The following JAKMIP2 variants were observed in gnomAD, a reference collection of about 807,000 sequenced individuals.
JAKMIP2 encodes the protein janus kinase and microtubule interacting protein 2.
In JAKMIP2, 25 loss-of-function variants were observed where a neutral mutation model predicts 115.0. The ratio of observed to expected loss-of-function variants is 0.22; its 90% CI spans 0.16 to 0.30. The LOEUF (loss-of-function observed/expected upper bound fraction) is 0.30. JAKMIP2 is among the 10% of genes least tolerant of loss of function. The pLI is 1.00. For synonymous variants in JAKMIP2, 334 were observed against 343.6 expected (o/e 0.97, Z 0.31); for missense variants, 642 against 957.6 (o/e 0.67, Z 4.35).
chr5:147,757,796 G>A (rs1754800495), intron 1 of JAKMIP2, among the ~76,000 whole-genome samples: 1 of 152,028 alleles, frequency 6.6e-6, no homozygotes, highest in Non-Finnish European at 1.5e-5. Context: ...TGCACCTGAG[G>A]CTCCGCATCA....
chr5:147,700,448 A>G (rs1005606303), intron 1 of JAKMIP2, among the ~76,000 whole-genome samples: 14 of 152,204 alleles, frequency 9.2e-5, no homozygotes, highest in African/African-American at 2.9e-4. Flanking sequence ...TAAAATATAT[A>G]TACACGGTTA....
chr5:147,599,835 G>A (rs1755603254), intron 21 of JAKMIP2, among the ~76,000 whole-genome samples: 1 of 152,134 alleles, frequency 6.6e-6, no homozygotes, highest in Non-Finnish European at 1.5e-5. Flanking sequence ...GTCACATGCT[G>A]TAGTTTCTCC....
At chr5:147,692,685 T>C (rs1334542049) in intron 1 of JAKMIP2, among the ~76,000 whole-genome samples, 1 of 152,182 alleles carries the variant, frequency 6.6e-6, no homozygotes, top group Non-Finnish European at 1.5e-5. Flanking sequence ...AATGAATGAA[T>C]GGATTGATGA....
chr5:147,609,484 A>G (rs1261334475), intron 20 of JAKMIP2, among the ~76,000 whole-genome samples: 1 of 152,158 alleles, frequency 6.6e-6, no homozygotes. Context: ...CTTTTCTTTA[A>G]GAATGTTGAA....
At chr5:147,639,491 T>G (rs934282684) in intron 10 of JAKMIP2, 141 bp downstream of exon 10, 10 of 935,448 alleles carry the variant, frequency 1.1e-5, no homozygotes, top group Non-Finnish European at 1.4e-5. Flanking sequence ...TTTGTTGACA[T>G]AAAAGCTATA....
At chr5:147,620,641 T>A in intron 18 of JAKMIP2, 25 bp downstream of exon 18, 1 of 1,527,734 alleles carries the variant, frequency 6.5e-7, no homozygotes. Flanking sequence ...ATACTGCGGG[T>A]GTCTCTATCA....
intron 1 of JAKMIP2, among the ~76,000 whole-genome samples, chr5:147,729,731 G>A (rs891347642): frequency 6.7e-6 from 1 of 148,760 alleles, no homozygotes; most frequent in Non-Finnish European, 1.5e-5. Flanking sequence ...CCGAGATCGC[G>A]CCTCTGCACT....
chr5:147,641,908 G>A, intron 7 of JAKMIP2, 144 bp from the exon 8 acceptor site: 1 of 621,616 alleles, frequency 1.6e-6, no homozygotes, highest in East Asian at 2.8e-5. Context: ...GCAACTTTTG[G>A]GATTGATACT....
chr5:147,697,802 G>A (rs1462468191), intron 1 of JAKMIP2, among the ~76,000 whole-genome samples: 1 of 152,220 alleles, frequency 6.6e-6, no homozygotes, highest in African/African-American at 2.4e-5. Flanking sequence ...ATGCCTGGAT[G>A]TCCAGGCAGA....
chr5:147,668,871 C>T (rs1009890863), intron 2 of JAKMIP2, among the ~76,000 whole-genome samples: 3 of 152,146 alleles, frequency 2.0e-5, no homozygotes, highest in Admixed American at 2.0e-4. Context: ...TGCTTATCAG[C>T]CCATGACAGA....
chr5:147,742,734 A>G (rs182895150), intron 1 of JAKMIP2, among the ~76,000 whole-genome samples: 4 of 152,312 alleles, frequency 2.6e-5, no homozygotes, highest in Admixed American at 2.6e-4. Flanking sequence ...TTGTTATGTC[A>G]GCTGGTCCTT....
chr5:147,729,896 A>T (rs1753664595), intron 1 of JAKMIP2, among the ~76,000 whole-genome samples: 2 of 152,208 alleles, frequency 1.3e-5, no homozygotes, highest in Non-Finnish European at 2.9e-5. Context: ...AAGGAAGCAG[A>T]CACTGAAGTC....
At chr5:147,679,451 A>G (rs1385170853) in intron 1 of JAKMIP2, among the ~76,000 whole-genome samples, 1 of 152,198 alleles carries the variant, frequency 6.6e-6, no homozygotes, top group Non-Finnish European at 1.5e-5. Context: ...CTTCCAACCT[A>G]GAGAGGAGAC....
chr5:147,648,819 A>G (rs1205942453), intron 4 of JAKMIP2, among the ~76,000 whole-genome samples: 1 of 152,176 alleles, frequency 6.6e-6, no homozygotes, highest in Non-Finnish European at 1.5e-5. Context: ...ATAAGGTTCA[A>G]AGGGCATCCC....
rs552224746 is a variant in JAKMIP2 at position 147,671,927 on chromosome 5, G to C, written c.-121C>G. The C allele has an allele frequency of 1.3e-5, 17 of 1,340,660 alleles. No homozygotes were observed. Among genetic ancestry groups the C allele is most frequent in the Non-Finnish European group, 8.7e-6 (9 of 1,039,336 alleles). The allele number at this position is 1,340,660 out of a possible 1,614,324, so 83.0% of individuals were successfully genotyped here. The stretch of plus-strand genomic sequence containing the variant: ...TCTACTGTGTGGTGCTCCTTGGTAA[G>C]GTCTCCTCAATCGCTGCCCTGGAAG... On this transcript the variant is annotated 5_prime_UTR_variant, in exon 2 of 22. Transcript: ENST00000616793.
intron 1 of JAKMIP2, among the ~76,000 whole-genome samples, chr5:147,734,868 G>A (rs1010214862): frequency 6.6e-6 from 1 of 152,146 alleles, no homozygotes; most frequent in Non-Finnish European, 1.5e-5. Flanking sequence ...TCTGTTTCTA[G>A]TGGGTTGTAA....
intron 1 of JAKMIP2, among the ~76,000 whole-genome samples, chr5:147,754,224 C>T (rs989610171): frequency 3.3e-5 from 5 of 152,018 alleles, no homozygotes; most frequent in African/African-American, 1.2e-4. Context: ...TAATTTGTAA[C>T]AAGGAGAAAC....
chr5:147,648,221 G>GT (rs1019342762), intron 5 of JAKMIP2, among the ~76,000 whole-genome samples, 155 bp downstream of exon 5: 3 of 152,074 alleles, frequency 2.0e-5, no homozygotes, highest in Non-Finnish European at 4.4e-5. Context: ...CTGGATGGTG[G>GT]TTTTTTGAGT....
intron 3 of JAKMIP2, among the ~76,000 whole-genome samples, chr5:147,654,625 G>A (rs965954665): frequency 6.6e-6 from 1 of 152,094 alleles, no homozygotes; most frequent in Non-Finnish European, 1.5e-5. Flanking sequence ...GAGATCATGG[G>A]GAATTCTAAA....
Sources: allele counts gnomAD v4.1 joint callset (sites outside exome capture counted in the v4.1 genomes callset), GRCh38; gene constraint gnomAD v4.1.1; transcripts MANE v1.5; gene names NCBI Gene and HGNC (gene_info 2026-07-23, HGNC 2026-07-21).